SAV1: variants seen among roughly 807,000 people sequenced by gnomAD.
The protein encoded by SAV1 is protein salvador homolog 1.
Under a neutral mutation model 47.3 loss-of-function variants are expected in SAV1, and 23 were observed. The observed-to-expected ratio is 0.49, with a 90% confidence interval of 0.35 to 0.69. SAV1 has a LOEUF of 0.69. SAV1 is among the 30% of genes least tolerant of loss of function. The probability of loss-of-function intolerance (pLI) is 0.01; values close to 1 mark genes in which losing one functional copy is unlikely to be tolerated. For synonymous variants in SAV1, 155 were observed against 159.2 expected (o/e 0.97, Z 0.20); for missense variants, 448 against 457.4 (o/e 0.98, Z 0.19).
intron 2 of SAV1, among the ~76,000 whole-genome samples, chr14:50,652,209 G>A (rs1315393992): frequency 6.6e-6 from 1 of 152,018 alleles, no homozygotes; most frequent in East Asian, 1.9e-4. Context: ...TGGTTAAGAT[G>A]GTAAATGTTG....
intron 4 of SAV1, chr14:50,637,548 C>G (rs1236491722): frequency 6.7e-6 from 1 of 149,154 alleles, no homozygotes; most frequent in Admixed American, 6.7e-5. Flanking sequence ...GCAAGGAAAA[C>G]AAAGAACAAA....
At position 50,665,194 on chromosome 14, in the gene SAV1, C is replaced by T; in HGVS notation, c.520G>A (p.Gly174Arg). 2.5e-6 allele frequency: 4 copies of T among 1,577,118 alleles called. No individual in the cohort carries two copies. Among genetic ancestry groups the T allele is most frequent in the Non-Finnish European group, 3.4e-6 (4 of 1,166,350 alleles). The change falls in exon 2 of 5, where the codon GGG (glycine) becomes AGG (arginine). Residue 174 changes from glycine (G) to arginine (R), a missense_variant. Coordinates refer to ENST00000324679, the MANE Select transcript of SAV1 (RefSeq NM_021818.4). ...GTTAAGCTACCTGAAGCATGCCTCC[C>T]CTGATTCTGTGGCATTCTTTGGAAG... ...DLFQRMPQNQ[G>R]RHASGIGRVA...
At chr14:50,636,721 T>G (rs2039638163) in intron 4 of SAV1, among the ~76,000 whole-genome samples, 2 of 152,196 alleles carry the variant, frequency 1.3e-5, no homozygotes, top group African/African-American at 4.8e-5. Context: ...CAAAAGTGCT[T>G]AGTGACTAAA....
At chr14:50,636,900 T>G (rs967767123) in intron 4 of SAV1, among the ~76,000 whole-genome samples, 2 of 152,352 alleles carry the variant, frequency 1.3e-5, no homozygotes, top group East Asian at 3.9e-4. Context: ...AAGCTTTGAT[T>G]GCAAACTCTA....
At chr14:50,650,271 A>G (rs1371426002) in intron 2 of SAV1, among the ~76,000 whole-genome samples, 1 of 152,284 alleles carries the variant, frequency 6.6e-6, no homozygotes, top group Non-Finnish European at 1.5e-5. Flanking sequence ...CAAATGTCCA[A>G]TAATAGCAAA....
At chr14:50,653,657 T>C (rs1048685263) in intron 2 of SAV1, among the ~76,000 whole-genome samples, 1 of 151,996 alleles carries the variant, frequency 6.6e-6, no homozygotes, top group African/African-American at 2.4e-5. Flanking sequence ...TATCACGAGG[T>C]CAAGAGATCG....
At chr14:50,637,025 G>A (rs1025624402) in intron 4 of SAV1, among the ~76,000 whole-genome samples, 25 of 152,130 alleles carry the variant, frequency 1.6e-4, no homozygotes, top group African/African-American at 6.0e-4. Context: ...AAAAAAGGGA[G>A]ATAGAAAACA....
intron 2 of SAV1, among the ~76,000 whole-genome samples, chr14:50,647,350 G>C (rs181063895): frequency 6.6e-6 from 1 of 152,088 alleles, no homozygotes; most frequent in Non-Finnish European, 1.5e-5. Flanking sequence ...ATTAGCCAAA[G>C]AACTCTGACC....
intron 2 of SAV1, among the ~76,000 whole-genome samples, chr14:50,645,900 T>C (rs1030408909): frequency 3.9e-5 from 6 of 152,168 alleles, no homozygotes; most frequent in African/African-American, 1.4e-4. Flanking sequence ...ACAAAAGTTA[T>C]TGAGATAATA....
At chr14:50,655,957 A>G (rs1272310375) in intron 2 of SAV1, among the ~76,000 whole-genome samples, 1 of 152,198 alleles carries the variant, frequency 6.6e-6, no homozygotes, top group African/African-American at 2.4e-5. Context: ...AGGCAGAAGA[A>G]TCACTTGAAC....
intron 2 of SAV1, among the ~76,000 whole-genome samples, chr14:50,647,002 A>T (rs920417331): frequency 2.0e-5 from 3 of 152,308 alleles, no homozygotes; most frequent in African/African-American, 7.2e-5. Flanking sequence ...ATAGCGGGGA[A>T]AGGTTTTTCC....
chr14:50,667,552 A>G (rs1253365272), intron 1 of SAV1: 3 of 490,856 alleles, frequency 6.1e-6, no homozygotes, highest in Admixed American at 4.9e-5. Context: ...CTATAGCATT[A>G]GGTGATAAGC....
chr14:50,660,436 C>G (rs565294146), intron 2 of SAV1, among the ~76,000 whole-genome samples: 2 of 152,126 alleles, frequency 1.3e-5, no homozygotes, highest in Admixed American at 1.3e-4. Flanking sequence ...CTGCTCTATT[C>G]GGATAGCAGA....
intron 2 of SAV1, among the ~76,000 whole-genome samples, chr14:50,663,761 T>C (rs1243778406): frequency 3.3e-5 from 5 of 152,206 alleles, no homozygotes; most frequent in Non-Finnish European, 5.9e-5. Flanking sequence ...TTAATTCTAG[T>C]ACAAAACTAA....
intron 2 of SAV1, among the ~76,000 whole-genome samples, chr14:50,660,169 G>C (rs946359422): frequency 6.6e-6 from 1 of 152,204 alleles, no homozygotes; most frequent in Non-Finnish European, 1.5e-5. Flanking sequence ...CCAAGGAACT[G>C]ACTTGGTCTT....
At chr14:50,652,495 C>A (rs2039777578) in intron 2 of SAV1, among the ~76,000 whole-genome samples, 1 of 152,116 alleles carries the variant, frequency 6.6e-6, no homozygotes, top group South Asian at 2.1e-4. Flanking sequence ...AGAAAATGCA[C>A]AATATGAGCC....
At chr14:50,662,301 TG>T (rs1259912250) in intron 2 of SAV1, among the ~76,000 whole-genome samples, 2 of 152,190 alleles carry the variant, frequency 1.3e-5, no homozygotes, top group African/African-American at 4.8e-5. Context: ...CCCAAGTAGC[TG>T]GGACTACAGG....
chr14:50,660,226 A>G lies in SAV1; in HGVS notation c.535+4953T>C, dbSNP rs116556308. ...AACTGATTCAGCACATGAAGACAGC[A>G]TTGATAACCCTATGATCTCATACCA... On this transcript the variant is annotated intron_variant, in intron 2 of 4. Coordinates refer to ENST00000324679, the MANE Select transcript of SAV1 (RefSeq NM_021818.4). Among the ~76,000 whole-genome samples, 702 of 152,320 alleles carry G rather than the reference A, an allele frequency of 4.6e-3. 7 individuals carry two copies. Among genetic ancestry groups the G allele is most frequent in the African/African-American group, 0.016 (653 of 41,582 alleles).
At chr14:50,647,646 C>T (rs188750951) in intron 2 of SAV1, among the ~76,000 whole-genome samples, 290 of 152,008 alleles carry the variant, frequency 1.9e-3, no homozygotes, top group African/African-American at 6.7e-3. Flanking sequence ...GGCACTTCAC[C>T]GAAGACAACA....
Sources: gnomAD v4.1 joint callset for allele counts (sites outside exome capture counted in the v4.1 genomes callset) on GRCh38, gnomAD v4.1.1 for gene constraint, MANE v1.5 for transcripts, NCBI Gene and HGNC (gene_info 2026-07-23, HGNC 2026-07-21) for gene names.